The following GPR137B variants were observed in gnomAD, a reference collection of about 807,000 sequenced individuals.
GPR137B encodes the protein integral membrane protein GPR137B.
GPR137B carries 42 observed loss-of-function variants against 42.5 expected under a neutral mutation model. The observed-to-expected ratio is 0.99, with a 90% confidence interval of 0.77 to 1.28. GPR137B has a LOEUF of 1.28. Among genes scored for constraint, GPR137B ranks in the 50% most tolerant of loss-of-function variants. The probability of loss-of-function intolerance (pLI) is 0.00; values close to 1 mark genes in which losing one functional copy is unlikely to be tolerated. For missense variants in GPR137B, 487 were observed against 493.9 expected (o/e 0.99, Z 0.13); for synonymous variants, 218 against 209.7 (o/e 1.04, Z -0.34).
At chr1:236,207,798 A>C (rs1397519604) in intron 6 of GPR137B, among the ~76,000 whole-genome samples, 9 of 152,132 alleles carry the variant, frequency 5.9e-5, no homozygotes, top group African/African-American at 2.2e-4. Flanking sequence ...TTTCCTATGC[A>C]TAGTGACTGG....
chr1:236,207,012 C>CT (rs147679159), intron 6 of GPR137B: 36,232 of 318,328 alleles, frequency 0.11, 2,355 homozygotes, highest in East Asian at 0.21. Context: ...AACTTTACAA[C>CT]TTTTTTCCCT....
At chr1:236,175,373 G>A (rs753559378) in intron 2 of GPR137B, among the ~76,000 whole-genome samples, 3 of 152,164 alleles carry the variant, frequency 2.0e-5, no homozygotes, top group Middle Eastern at 3.4e-3. Flanking sequence ...AAGTGGCCCC[G>A]CACAGTTCAA....
At chr1:236,191,250 T>C (rs1017392905) in intron 5 of GPR137B, among the ~76,000 whole-genome samples, 9 of 152,188 alleles carry the variant, frequency 5.9e-5, no homozygotes, top group Non-Finnish European at 1.0e-4. Flanking sequence ...CTAACCTTTT[T>C]TCAAGGTTCT....
intron 1 of GPR137B, among the ~76,000 whole-genome samples, chr1:236,158,373 G>A (rs913055820): frequency 6.6e-6 from 1 of 152,204 alleles, no homozygotes; most frequent in Non-Finnish European, 1.5e-5. Context: ...GCAGTGAGCC[G>A]AGATGGCACC....
At chr1:236,188,904 C>T (rs1209692705) in intron 5 of GPR137B, among the ~76,000 whole-genome samples, 3 of 152,114 alleles carry the variant, frequency 2.0e-5, no homozygotes, top group African/African-American at 7.2e-5. Flanking sequence ...GGTACCAGCT[C>T]CTCTTTGTAC....
chr1:236,166,712 C>G (rs1036672631), intron 1 of GPR137B, among the ~76,000 whole-genome samples: 6 of 151,950 alleles, frequency 3.9e-5, no homozygotes, highest in Non-Finnish European at 7.4e-5. Context: ...TGGCCGGGCA[C>G]AGTGGCTAAC....
intron 1 of GPR137B, among the ~76,000 whole-genome samples, chr1:236,151,418 A>C (rs7523897): frequency 0.04 from 2,860 of 72,280 alleles, 160 homozygotes; most frequent in African/African-American, 0.1. Flanking sequence ...TTGCATATTC[A>C]TTTTTTTTTT....
intron 5 of GPR137B, among the ~76,000 whole-genome samples, chr1:236,191,882 A>T (rs1162788486): frequency 6.6e-6 from 1 of 152,180 alleles, no homozygotes; most frequent in East Asian, 1.9e-4. Context: ...CTCTCTTCAG[A>T]GCCATCAGGC....
Position 236,150,331 on chromosome 1 carries a change from A to C in GPR137B, c.414+7295A>C, listed in dbSNP as rs754013036. On this transcript the variant is annotated intron_variant, in intron 1 of 6. Transcript: ENST00000366592. The surrounding 1 kb of genome is among the most constrained non-coding windows in gnomAD (Gnocchi z 6.2). ...TATGTGCCTGTGTGTGTGTCTGTGC[A>C]TGTGTGTGCCTGTGTGTGTGGAAAG... Among the ~76,000 whole-genome samples the C allele has an allele frequency of 7.1e-6, 1 of 140,610 alleles. No homozygotes were observed. Among genetic ancestry groups the C allele is most frequent in the Non-Finnish European group, 1.6e-5 (1 of 64,498 alleles). 92.2% of individuals were successfully genotyped at this position (140,610 alleles called of 152,430 possible).
chr1:236,165,784 A>G (rs570475434), intron 1 of GPR137B, among the ~76,000 whole-genome samples: 11 of 152,332 alleles, frequency 7.2e-5, no homozygotes, highest in African/African-American at 2.6e-4. Flanking sequence ...CAATTCCTGC[A>G]GGGGGAAAAA....
intron 1 of GPR137B, among the ~76,000 whole-genome samples, chr1:236,158,377 T>G (rs1662093631): frequency 6.6e-6 from 1 of 152,218 alleles, no homozygotes; most frequent in South Asian, 2.1e-4. Flanking sequence ...TGAGCCGAGA[T>G]GGCACCACTG....
At position 236,142,905 on chromosome 1, in the gene GPR137B, C is replaced by T. The variant is rs369476831; in HGVS notation, c.283C>T (p.Leu95Phe). 5 of 1,614,130 alleles carry T rather than the reference C, an allele frequency of 3.1e-6. No individual in the cohort carries two copies. Among genetic ancestry groups the T allele is most frequent in the African/African-American group, 1.3e-5 (1 of 74,948 alleles). ...CLFWASLRTV[L>F]FSFYFKDFVA... Reference sequence around the variant, plus strand: ...CTTCTGGGCCTCCCTGCGGACCGTCCTCTTCTCCTTCTACTTCAAAGACTT... The same window carrying T: ...CTTCTGGGCCTCCCTGCGGACCGTCTTCTTCTCCTTCTACTTCAAAGACTT... The change falls in exon 1 of 7, where the codon CTC becomes TTC. Residue 95 changes from leucine to phenylalanine, a missense_variant. Coordinates refer to ENST00000366592, the MANE Select transcript of GPR137B (RefSeq NM_003272.4).
intron 5 of GPR137B, among the ~76,000 whole-genome samples, chr1:236,187,733 C>A (rs555363773): frequency 7.5e-6 from 1 of 134,202 alleles, no homozygotes; most frequent in Non-Finnish European, 1.6e-5. Context: ...GTTACTGTAG[C>A]CTTGTAGCAT....
chr1:236,144,228 A>G (rs995754565), intron 1 of GPR137B, among the ~76,000 whole-genome samples: 2 of 152,190 alleles, frequency 1.3e-5, no homozygotes, highest in Non-Finnish European at 2.9e-5. Flanking sequence ...CGGCCTGGGC[A>G]ACATGGCGAA....
At position 236,180,099 on chromosome 1, in the gene GPR137B, A is replaced by AC. The variant is rs771272367; in HGVS notation, c.837+75dup. The AC allele has an allele frequency of 2.1e-5, 29 of 1,371,254 alleles. 1 individual carries two copies. The highest frequency in any genetic ancestry group is 8.5e-5 in the African/African-American group (6 of 70,322). 84.9% of individuals were successfully genotyped at this position (1,371,254 alleles called of 1,614,324 possible). A position where few individuals can be genotyped will look rare whatever the true frequency, so the allele number is the denominator to read the frequency against. On this transcript the variant is annotated intron_variant, in intron 4 of 6. Coordinates refer to ENST00000366592, the MANE Select transcript of GPR137B (RefSeq NM_003272.4). Reference sequence around the variant, plus strand: ...GTATCCTCGAGGCATTGGTTCCAGGACCCCAGAAAATACCAAAATCTGGAT... The same window carrying AC: ...GTATCCTCGAGGCATTGGTTCCAGGACCCCCAGAAAATACCAAAATCTGGAT...
In GPR137B at chr1:236,144,498, A is replaced by G. The variant is rs73121044; in HGVS notation, c.414+1462A>G. Among the ~76,000 whole-genome samples, 915 of 152,358 alleles carry G rather than the reference A, an allele frequency of 6.0e-3. 11 individuals carry two copies. The highest frequency in any genetic ancestry group is 0.021 in the African/African-American group (884 of 41,578). ...GGAAGCCACTGACTGAAAATATGGA[A>G]GAAGTACTTTTGGCTAAAAAATAGC... On this transcript the variant is annotated intron_variant, in intron 1 of 6. Transcript: ENST00000366592.
At position 236,154,322 on chromosome 1, in the gene GPR137B, C is replaced by T. The variant is rs190550658; in HGVS notation, c.414+11286C>T. ...GCGCCCTGGGGCTGTGAACAGCACG[C>T]GTCATCCGTCCCCCGAGGACACACG... On this transcript the variant is annotated intron_variant, in intron 1 of 6. Transcript: ENST00000366592. Among the ~76,000 whole-genome samples, 343 of 152,202 alleles carry T rather than the reference C, an allele frequency of 2.3e-3. 1 individual carries two copies. Among genetic ancestry groups the T allele is most frequent in the Middle Eastern group, 3.4e-3 (1 of 294 alleles).
At chr1:236,172,880 C>T (rs933244766) in intron 2 of GPR137B, among the ~76,000 whole-genome samples, 4 of 151,230 alleles carry the variant, frequency 2.6e-5, no homozygotes, top group African/African-American at 7.3e-5. Context: ...TTTTTAGAGA[C>T]AGGTTCTTGC....
chr1:236,187,809 G>A (rs1295421062), intron 5 of GPR137B, among the ~76,000 whole-genome samples: 1 of 152,146 alleles, frequency 6.6e-6, no homozygotes, highest in African/African-American at 2.4e-5. Context: ...TCTCGGCTAT[G>A]TGGGCCCTTC....
Sources: allele counts gnomAD v4.1 joint callset (sites outside exome capture counted in the v4.1 genomes callset), GRCh38; gene constraint gnomAD v4.1.1; non-coding constraint Gnocchi (gnomAD v3.1); transcripts MANE v1.5; gene names NCBI Gene and HGNC (gene_info 2026-07-23, HGNC 2026-07-21).